ZZEF1: variants seen among roughly 807,000 people sequenced by gnomAD.
ZZEF1 encodes zinc finger ZZ-type and EF-hand domain containing 1, also known as zinc finger ZZ-type and EF-hand domain-containing protein 1.
A neutral mutation model predicts 342.8 loss-of-function variants in ZZEF1; 157 were observed. The observed-to-expected ratio is 0.46, with a 90% confidence interval of 0.40 to 0.52. ZZEF1 has a LOEUF of 0.52. Among genes scored for constraint, ZZEF1 ranks in the 20% least tolerant of loss-of-function variants. The pLI is 0.00. For synonymous variants in ZZEF1, 1,505 were observed against 1,429.1 expected (o/e 1.05, Z -1.20); for missense variants, 3,480 against 3,725.6 (o/e 0.93, Z 1.72).
At position 4,014,714 on chromosome 17, in the gene ZZEF1, G is replaced by A. The variant is rs2056056078; in HGVS notation, c.8146-199C>T. Among the ~76,000 whole-genome samples the A allele has an allele frequency of 6.6e-6, 1 of 152,228 alleles. No individual in the cohort carries two copies. The highest frequency in any genetic ancestry group is 2.1e-4 in the South Asian group (1 of 4,828). ...AATATGGTGCGAGGGAGGCACAGCGGGGCAGGCAACACGGGGCCCCAGAGA... is the reference window on the plus strand; with the variant it reads ...AATATGGTGCGAGGGAGGCACAGCGAGGCAGGCAACACGGGGCCCCAGAGA... On this transcript the variant is annotated intron_variant, in intron 49 of 54. Transcript: ENST00000381638. The surrounding 1 kb of genome is among the most constrained non-coding windows in gnomAD (Gnocchi z 4.4).
intron 42 of ZZEF1, among the ~76,000 whole-genome samples, chr17:4,026,610 C>T (rs1445020741): frequency 3.3e-5 from 5 of 151,740 alleles, no homozygotes; most frequent in African/African-American, 1.2e-4. Flanking sequence ...CAACCTCCAC[C>T]TCCCAGGTTC....
chr17:4,095,946 A>G lies in ZZEF1; in HGVS notation c.1798T>C (p.Leu600=). The change falls in exon 11 of 55, where the codon TTG becomes CTG. Residue 600 remains leucine (L), a synonymous_variant. Transcript: ENST00000381638. ...RRGGIGAQCG[L]VFAYNSSSDK... ...GAAGATGAGTTATAGGCAAACACCA[A>G]CCCACACTGGGCACCAATGCCACCA... 6.2e-7 allele frequency: 1 copy of G among 1,612,922 alleles called. No individual in the cohort carries two copies. The highest frequency in any genetic ancestry group is 8.5e-7 in the Non-Finnish European group (1 of 1,179,176).
At chr17:4,140,420 T>C (rs949645784) in intron 1 of ZZEF1, among the ~76,000 whole-genome samples, 6 of 152,202 alleles carry the variant, frequency 3.9e-5, no homozygotes, top group African/African-American at 7.2e-5. Flanking sequence ...TGAGGTTAAA[T>C]ACACTTGCTA....
intron 10 of ZZEF1, among the ~76,000 whole-genome samples, chr17:4,096,389 G>A (rs570987875): frequency 1.3e-5 from 2 of 152,030 alleles, no homozygotes; most frequent in Admixed American, 6.5e-5. Flanking sequence ...AATTGTACAT[G>A]GAAAAGTAAC....
chr17:4,141,767 T>C (rs1185863275), intron 1 of ZZEF1, among the ~76,000 whole-genome samples: 9 of 151,560 alleles, frequency 5.9e-5, no homozygotes, highest in Admixed American at 5.9e-4. Context: ...GTTTTACTAA[T>C]GATTCACTGG....
At chr17:4,056,127 G>C in intron 33 of ZZEF1, 89 bp downstream of exon 33, 2 of 1,363,068 alleles carry the variant, frequency 1.5e-6, no homozygotes, top group Non-Finnish European at 1.9e-6. Context: ...GCCCTCTCAG[G>C]TAAGAGCCTG....
At position 4,016,581 on chromosome 17, in the gene ZZEF1, C is replaced by T. The variant is rs182310858; in HGVS notation, c.8002-115G>A. ...TGCTGGCATCATCTTAGACCTAGGA[C>T]GAGCCTCTGTGACTCCACCACCCAA... is the stretch of plus-strand genomic sequence containing the variant. On this transcript the variant is annotated intron_variant, in intron 48 of 54. Coordinates refer to ENST00000381638, the MANE Select transcript of ZZEF1 (RefSeq NM_015113.4). The surrounding 1 kb of genome is among the most constrained non-coding windows in gnomAD (Gnocchi z 4.4). 85 of 1,316,580 alleles carry T rather than the reference C, an allele frequency of 6.5e-5. No homozygotes were observed. Among genetic ancestry groups the T allele is most frequent in the South Asian group, 6.1e-4 (40 of 65,480 alleles). 81.6% of individuals were successfully genotyped at this position (1,316,580 alleles called of 1,614,324 possible). A position where few individuals can be genotyped will look rare whatever the true frequency, so the allele number is the denominator to read the frequency against.
intron 37 of ZZEF1, among the ~76,000 whole-genome samples, chr17:4,045,000 A>T (rs1288778690): frequency 2.0e-5 from 3 of 152,022 alleles, no homozygotes; most frequent in Non-Finnish European, 4.4e-5. Flanking sequence ...CTAAAAATAC[A>T]AAAATTAGCT....
chr17:4,128,980 G>A (rs1429008730), intron 1 of ZZEF1, among the ~76,000 whole-genome samples: 1 of 150,206 alleles, frequency 6.7e-6, no homozygotes, highest in African/African-American at 2.5e-5. Flanking sequence ...TGTTGGCCAG[G>A]ATGGTCTTGA....
intron 18 of ZZEF1, 92 bp downstream of exon 18, chr17:4,081,284 T>G: frequency 1.9e-6 from 2 of 1,031,692 alleles, no homozygotes; most frequent in Non-Finnish European, 1.5e-6. Context: ...ACATTCATAC[T>G]GCAAAGAGGC....
chr17:4,050,922 G>A lies in ZZEF1; in HGVS notation c.5722C>T (p.Leu1908Phe). Residue 1908 changes from leucine (L) to phenylalanine (F), a missense_variant, in exon 36 of 55, where the codon CTC (leucine) becomes TTC (phenylalanine). Around this residue, in one of 5 missense-constraint regions of ZZEF1, gnomAD observed 1,269 missense variants for 1,342.4 expected, o/e 0.95. Transcript: ENST00000381638. Reference protein sequence around the residue: ...YSWLLFAALALYSAHLASAED... With the variant: ...YSWLLFAALAFYSAHLASAED... The stretch of plus-strand genomic sequence containing the variant: ...GCACTGGCCAGGTGGGCGCTATAGA[G>A]AGCCAGGGCAGCAAAGAGCAGCCAG... The A allele has an allele frequency of 6.2e-7, 1 of 1,614,222 alleles. No homozygotes were observed. Among genetic ancestry groups the A allele is most frequent in the Non-Finnish European group, 8.5e-7 (1 of 1,180,040 alleles).
At chr17:4,136,793 C>T (rs2058756344) in intron 1 of ZZEF1, among the ~76,000 whole-genome samples, 1 of 152,118 alleles carries the variant, frequency 6.6e-6, no homozygotes, top group African/African-American at 2.4e-5. Context: ...CGTGCCATGC[C>T]CTCTCACTCC....
intron 1 of ZZEF1, among the ~76,000 whole-genome samples, chr17:4,135,767 C>T (rs1421782568): frequency 1.3e-5 from 2 of 152,122 alleles, no homozygotes; most frequent in Non-Finnish European, 2.9e-5. Context: ...ATTCTTTCCA[C>T]CAGCTCTCCA....
At chr17:4,107,049 T>C (rs1336708471) in intron 6 of ZZEF1, among the ~76,000 whole-genome samples, 1 of 152,246 alleles carries the variant, frequency 6.6e-6, no homozygotes, top group Non-Finnish European at 1.5e-5. Context: ...TGAGGTTTAA[T>C]GCACACAAGT....
intron 1 of ZZEF1, among the ~76,000 whole-genome samples, chr17:4,136,973 C>G (rs1355861712): frequency 6.6e-6 from 1 of 152,008 alleles, no homozygotes; most frequent in Non-Finnish European, 1.5e-5. Flanking sequence ...TAGGATGGAG[C>G]AGGGAGCAGA....
At chr17:4,083,837 C>T (rs1264313180) in intron 16 of ZZEF1, among the ~76,000 whole-genome samples, 3 of 152,074 alleles carry the variant, frequency 2.0e-5, no homozygotes, top group Non-Finnish European at 4.4e-5. Context: ...TTGTGCATCC[C>T]ATAGACCACT....
At chr17:4,102,445 A>T (rs1163793077) in intron 8 of ZZEF1, 30 bp from the exon 9 acceptor site, 1 of 1,592,410 alleles carries the variant, frequency 6.3e-7, no homozygotes, top group South Asian at 1.1e-5. Context: ...ACCAAGCTGT[A>T]AGCTAAAATA....
intron 6 of ZZEF1, among the ~76,000 whole-genome samples, chr17:4,106,894 T>A (rs558320081): frequency 6.6e-6 from 1 of 152,322 alleles, no homozygotes; most frequent in African/African-American, 2.4e-5. Context: ...CTGAAACAAT[T>A]TCATTTCTAC....
intron 43 of ZZEF1, among the ~76,000 whole-genome samples, chr17:4,024,190 T>TTTTTTG (rs1567770186): frequency 8.0e-6 from 1 of 125,250 alleles, no homozygotes; most frequent in African/African-American, 3.8e-5. Flanking sequence ...GCCCAGGTTT[T>TTTTTTG]TTTTTTTTTT....
Sources: gnomAD v4.1 joint callset for allele counts (sites outside exome capture counted in the v4.1 genomes callset) on GRCh38, gnomAD v4.1.1 for gene constraint, gnomAD v4.1.1 regional missense constraint, Gnocchi (gnomAD v3.1) non-coding constraint, MANE v1.5 for transcripts, NCBI Gene and HGNC (gene_info 2026-07-23, HGNC 2026-07-21) for gene names.